The following UBA6 variants were observed in gnomAD, a reference collection of about 807,000 sequenced individuals.
UBA6 encodes ubiquitin-like modifier-activating enzyme 6.
A neutral mutation model predicts 148.3 loss-of-function variants in UBA6; 87 were observed. That is an observed-to-expected ratio of 0.59 (90% CI 0.49 to 0.70). The LOEUF (loss-of-function observed/expected upper bound fraction) is 0.70, where lower values mean the gene tolerates loss of function less well. UBA6 is among the 30% of genes least tolerant of loss of function. The pLI is 0.00. For missense variants in UBA6, 1,186 were observed against 1,241.2 expected (o/e 0.96, Z 0.67); for synonymous variants, 376 against 401.0 (o/e 0.94, Z 0.75).
Position 67,615,958 on chromosome 4 carries a change from T to A in UBA6, c.*3039A>T. 1 of 356,154 alleles carries A rather than the reference T, an allele frequency of 2.8e-6. No homozygotes were observed. Among genetic ancestry groups the A allele is most frequent in the Non-Finnish European group, 5.0e-6 (1 of 199,036 alleles). 22.1% of individuals were successfully genotyped at this position (356,154 alleles called of 1,614,324 possible). A position where few individuals can be genotyped will look rare whatever the true frequency, so the allele number is the denominator to read the frequency against. ...AATTTCTGAACTGCTGTCAATATAT[T>A]CTACTAAGCTGAGTGCTAGTTATAT... is the stretch of plus-strand genomic sequence containing the variant. On this transcript the variant is annotated 3_prime_UTR_variant, in exon 33 of 33. Transcript: ENST00000322244.
intron 31 of UBA6, 93 bp from the exon 32 acceptor site, chr4:67,623,018 A>T: frequency 1.5e-6 from 2 of 1,340,020 alleles, no homozygotes; most frequent in South Asian, 1.3e-5. Flanking sequence ...TTTTATGACC[A>T]GTAAAAAAAG....
chr4:67,665,119 A>T, intron 10 of UBA6, 70 bp downstream of exon 10: 1 of 825,942 alleles, frequency 1.2e-6, no homozygotes, highest in Non-Finnish European at 1.9e-6. Flanking sequence ...TTAACTGAGT[A>T]GTTATTTGTC....
intron 1 of UBA6, among the ~76,000 whole-genome samples, chr4:67,699,115 T>G (rs1730910022): frequency 6.6e-6 from 1 of 152,162 alleles, no homozygotes; most frequent in Non-Finnish European, 1.5e-5. Flanking sequence ...AGCATGGCCT[T>G]CAAAAAACGT....
chr4:67,699,652 G>C (rs1730925575), intron 1 of UBA6, among the ~76,000 whole-genome samples: 1 of 152,092 alleles, frequency 6.6e-6, no homozygotes, highest in Admixed American at 6.6e-5. Flanking sequence ...CCAGACTGGA[G>C]TGCAGTGGCA....
intron 14 of UBA6, among the ~76,000 whole-genome samples, chr4:67,648,598 A>C (rs186456644): frequency 6.6e-6 from 1 of 152,208 alleles, no homozygotes; most frequent in African/African-American, 2.4e-5. Flanking sequence ...GGCAAAAGAA[A>C]TGGGGATTTT....
chr4:67,634,328 A>G lies in UBA6; in HGVS notation c.1933-6T>C, dbSNP rs1319216177. ...TGGGAAAAGGAACTTTCAAACTGTA[A>G]CAGAGAAAAGAAAAAAAAAATTACA... is the stretch of plus-strand genomic sequence containing the variant. On this transcript the variant is annotated splice_region_variant and splice_polypyrimidine_tract_variant and intron_variant, in intron 21 of 32. Coordinates refer to ENST00000322244, the MANE Select transcript of UBA6 (RefSeq NM_018227.6). 6.3e-7 allele frequency: 1 copy of G among 1,580,070 alleles called. No homozygotes were observed. The highest frequency in any genetic ancestry group is 2.2e-5 in the East Asian group (1 of 44,506).
chr4:67,619,794 T>C (rs1416017247), intron 32 of UBA6, among the ~76,000 whole-genome samples: 2 of 152,176 alleles, frequency 1.3e-5, no homozygotes, highest in East Asian at 3.9e-4. Flanking sequence ...CCAATCTTTA[T>C]CCTATTTACT....
In UBA6 at chr4:67,665,493, C is replaced by T. The variant is rs570478305; in HGVS notation, c.794-201G>A. 3.1e-3 allele frequency among the ~76,000 whole-genome samples: 432 copies of T among 140,248 alleles called. 1 individual carries two copies. Among genetic ancestry groups the T allele is most frequent in the Admixed American group, 5.1e-3 (71 of 13,804 alleles). 92.0% of individuals were successfully genotyped at this position (140,248 alleles called of 152,430 possible). On this transcript the variant is annotated intron_variant, in intron 9 of 32. Transcript: ENST00000322244. ...TGGGGAACTAGGCAGAGTATTTTTT[C>T]CAATGTGAAACTCCAGGACTTAAAA...
chr4:67,695,711 G>A (rs759477106), intron 2 of UBA6, among the ~76,000 whole-genome samples: 1 of 151,988 alleles, frequency 6.6e-6, no homozygotes, highest in Non-Finnish European at 1.5e-5. Flanking sequence ...AACAACTTAA[G>A]GTGACTTCTA....
intron 27 of UBA6, among the ~76,000 whole-genome samples, chr4:67,627,299 T>C (rs1436386785): frequency 1.3e-5 from 2 of 151,972 alleles, no homozygotes; most frequent in African/African-American, 2.4e-5. Flanking sequence ...TTTGTCTGAA[T>C]GGCTAGTTGA....
chr4:67,659,938 A>G (rs760310973), intron 13 of UBA6, among the ~76,000 whole-genome samples: 1 of 152,194 alleles, frequency 6.6e-6, no homozygotes. Context: ...ATTATGCTTT[A>G]GTAAAGAGAC....
At chr4:67,677,975 T>C (rs1730325303) in intron 5 of UBA6, among the ~76,000 whole-genome samples, 1 of 134,316 alleles carries the variant, frequency 7.4e-6, no homozygotes, top group African/African-American at 2.6e-5. Flanking sequence ...AGCTCCAGGC[T>C]CCTTAACTTT....
rs774224745 is a variant in UBA6, at chr4:67,644,789, G to A, written c.1396-11C>T. 1 of 1,506,790 alleles carries A rather than the reference G, an allele frequency of 6.6e-7. No homozygotes were observed. Among genetic ancestry groups the A allele is most frequent in the Non-Finnish European group, 9.2e-7 (1 of 1,084,772 alleles). The allele number at this position is 1,506,790 out of a possible 1,614,324, so 93.3% of individuals were successfully genotyped here. ...GGCTCCACACCCTACCTATGGAGGA[G>A]AAAAATGGTATATATCAGATTAAAA... On this transcript the variant is annotated splice_polypyrimidine_tract_variant and intron_variant, in intron 16 of 32. Coordinates refer to ENST00000322244, the MANE Select transcript of UBA6 (RefSeq NM_018227.6).
At chr4:67,665,617 A>T (rs1729978378) in intron 9 of UBA6, among the ~76,000 whole-genome samples, 1 of 151,706 alleles carries the variant, frequency 6.6e-6, no homozygotes, top group Non-Finnish European at 1.5e-5. Context: ...ATAACTACCT[A>T]TCATAATAAT....
intron 13 of UBA6, among the ~76,000 whole-genome samples, chr4:67,653,480 T>C (rs972973550): frequency 6.6e-6 from 1 of 152,114 alleles, no homozygotes; most frequent in African/African-American, 2.4e-5. Context: ...CAGAAAGGAA[T>C]AGCATCAACA....
chr4:67,700,434 T>C (rs967319887), intron 1 of UBA6, among the ~76,000 whole-genome samples: 2 of 152,096 alleles, frequency 1.3e-5, no homozygotes, highest in Non-Finnish European at 2.9e-5. Context: ...AGCACAAATA[T>C]TTTCCCCCTA....
chr4:67,701,013 C>T (rs1417981169), intron 1 of UBA6, 36 bp downstream of exon 1: 2 of 1,606,942 alleles, frequency 1.2e-6, no homozygotes, highest in South Asian at 1.1e-5. Flanking sequence ...GGGTCCCACC[C>T]GCGACCCCTC....
chr4:67,641,245 A>G lies in UBA6; in HGVS notation c.1477-17T>C. 1 of 1,434,368 alleles carries G rather than the reference A, an allele frequency of 7.0e-7. No individual in the cohort carries two copies. Among genetic ancestry groups the G allele is most frequent in the Non-Finnish European group, 9.7e-7 (1 of 1,034,424 alleles). The allele number at this position is 1,434,368 out of a possible 1,614,324, so 88.9% of individuals were successfully genotyped here. ...AACTGTAATCTAATATCAAGAAAAT[A>G]TGGCTGAAATTACATAATGGATACC... On this transcript the variant is annotated splice_polypyrimidine_tract_variant and intron_variant, in intron 17 of 32. Transcript: ENST00000322244.
intron 13 of UBA6, among the ~76,000 whole-genome samples, chr4:67,649,475 C>A (rs1054301717): frequency 6.6e-6 from 1 of 152,098 alleles, no homozygotes; most frequent in Admixed American, 6.5e-5. Context: ...ATAATTAACT[C>A]GAATATCTAC....
Sources: allele counts gnomAD v4.1 joint callset (sites outside exome capture counted in the v4.1 genomes callset), GRCh38; gene constraint gnomAD v4.1.1; transcripts MANE v1.5; gene names NCBI Gene and HGNC (gene_info 2026-07-23, HGNC 2026-07-21).